PUDP: variants seen among roughly 807,000 people sequenced by gnomAD.
PUDP encodes pseudouridine-5'-phosphatase.
Under a neutral mutation model 9.4 loss-of-function variants are expected in PUDP, and 8 were observed. That is an observed-to-expected ratio of 0.85 (90% CI 0.50 to 1.53). PUDP has a LOEUF of 1.53. Among genes scored for constraint, PUDP ranks in the 40% most tolerant of loss-of-function variants. PUDP has a pLI of 0.00. For synonymous variants in PUDP, 99 were observed against 80.7 expected (o/e 1.23, Z -1.22); for missense variants, 188 against 189.7 (o/e 0.99, Z 0.05).
intron 3 of PUDP, among the ~76,000 whole-genome samples, chrX:7,060,708 T>G (rs1244575763): frequency 1.8e-5 from 2 of 112,757 alleles, no homozygotes; most frequent in Non-Finnish European, 3.8e-5. Flanking sequence ...CAAATGCAAT[T>G]CATTTGCCTT....
At position 6,878,676 on chromosome X, in the gene PUDP, A is replaced by G. The variant is rs185976609; in HGVS notation, c.*247+98457T>C. Among the ~76,000 whole-genome samples, 79 of 112,342 alleles carry G rather than the reference A, an allele frequency of 7.0e-4. 1 individual carries two copies. In the Admixed American group the frequency reaches 7.4e-3, roughly 10 times the overall value. ...CCTGGTCTTCATGACTTTTCTTGAT[A>G]GCATATGTTACAAAGTTTTCAGCTG... is the stretch of plus-strand genomic sequence containing the variant. On this transcript the variant is annotated intron_variant and NMD_transcript_variant, in intron 3 of 3. Transcript: ENST00000655425.
chrX:7,063,559 T>C (rs1245418026), intron 3 of PUDP, among the ~76,000 whole-genome samples: 2 of 111,989 alleles, frequency 1.8e-5, no homozygotes, highest in African/African-American at 6.5e-5. Context: ...CCGTGCTTCC[T>C]GTCTAGGGAG....
intron 3 of PUDP, among the ~76,000 whole-genome samples, chrX:6,870,314 A>C (rs1927155829): frequency 8.9e-6 from 1 of 112,049 alleles, no homozygotes; most frequent in Non-Finnish European, 1.9e-5. Flanking sequence ...CCCAAATCTC[A>C]TCTTGAATTT....
chrX:7,145,515 T>G (rs1425738211), intron 1 of PUDP, among the ~76,000 whole-genome samples: 2 of 111,592 alleles, frequency 1.8e-5, no homozygotes, highest in African/African-American at 6.5e-5. Flanking sequence ...TTTCTCTGAA[T>G]GGCATTTGAG....
chrX:7,051,026 T>C (rs1930086793), intron 3 of PUDP, among the ~76,000 whole-genome samples: 1 of 111,230 alleles, frequency 9.0e-6, no homozygotes, highest in Non-Finnish European at 1.9e-5. Context: ...ATCGCGAAAA[T>C]CCACTTTATT....
At chrX:7,073,922 C>T (rs2146861823) in intron 3 of PUDP, among the ~76,000 whole-genome samples, 1 of 112,829 alleles carries the variant, frequency 8.9e-6, no homozygotes, top group South Asian at 3.7e-4. Flanking sequence ...TCAATGAGAA[C>T]ACCAAGATGT....
chrX:7,012,280 T>A (rs747281315), intron 1 of PUDP, among the ~76,000 whole-genome samples: 1 of 112,405 alleles, frequency 8.9e-6, no homozygotes, highest in South Asian at 3.7e-4. Flanking sequence ...AAAAAAGCTT[T>A]GAGCTTTTGG....
chrX:6,788,968 A>T (rs183244352), intron 3 of PUDP, among the ~76,000 whole-genome samples: 47 of 111,802 alleles, frequency 4.2e-4, no homozygotes, highest in African/African-American at 1.3e-3. Context: ...AGCCATGCAG[A>T]TGCAGAGAAG....
Position 6,710,328 on chromosome X carries a change from T to C in PUDP, n.129-3862A>G, listed in dbSNP as rs191089692. Among the ~76,000 whole-genome samples the C allele has an allele frequency of 1.5e-4, 17 of 112,059 alleles. No homozygotes were observed. In the East Asian group the frequency reaches 4.8e-3, roughly 31 times the overall value. On this transcript the variant is annotated intron_variant and non_coding_transcript_variant, in intron 1 of 2. Coordinates refer to the PUDP transcript ENST00000438499. Reference sequence around the variant, plus strand: ...AACACCTCGAAACAGGGCAGTTGACTTTGACCCATGCATTAAACCACTGCT... The same window carrying C: ...AACACCTCGAAACAGGGCAGTTGACCTTGACCCATGCATTAAACCACTGCT...
At chrX:7,134,446 A>G (rs1404217101) in intron 1 of PUDP, among the ~76,000 whole-genome samples, 3 of 112,207 alleles carry the variant, frequency 2.7e-5, no homozygotes, top group Non-Finnish European at 5.6e-5. Flanking sequence ...ATAGCTCCCC[A>G]GGTTGTCCTG....
chrX:7,148,099 C>T lies in PUDP; in HGVS notation c.15G>A (p.Pro5=). The change falls in exon 1 of 4, where the codon CCG becomes CCA. Residue 5 remains proline, a synonymous_variant. Coordinates refer to ENST00000381077, the MANE Select transcript of PUDP (RefSeq NM_012080.5). The stretch of plus-strand genomic sequence containing the variant: ...CAAAGATGAGGTGGGTGACGGGCTG[C>T]GGGGGCGCCGCCATGGTGGCGCCTT... MAAP[P]QPVTHLIFDM... The T allele has an allele frequency of 8.9e-7, 1 of 1,122,045 alleles. No individual in the cohort carries two copies. Among genetic ancestry groups the T allele is most frequent in the Non-Finnish European group, 1.2e-6 (1 of 847,762 alleles). 92.5% of individuals were successfully genotyped at this position (1,122,045 alleles called of 1,213,427 possible). A position where few individuals can be genotyped will look rare whatever the true frequency, so the allele number is the denominator to read the frequency against.
intron 3 of PUDP, among the ~76,000 whole-genome samples, chrX:6,971,013 T>C (rs1476955191): frequency 9.1e-6 from 1 of 110,297 alleles, no homozygotes; most frequent in African/African-American, 3.3e-5. Flanking sequence ...GTCACACCAC[T>C]GCACTCCAGC....
At chrX:6,881,305 A>G (rs1371867659) in intron 3 of PUDP, among the ~76,000 whole-genome samples, 1 of 112,318 alleles carries the variant, frequency 8.9e-6, no homozygotes. Flanking sequence ...CAACCTAGGA[A>G]GAGCATCTTA....
chrX:6,714,156 T>A lies in PUDP; in HGVS notation n.128+7261A>T, dbSNP rs376253959. Among the ~76,000 whole-genome samples the A allele has an allele frequency of 4.1e-4, 46 of 111,905 alleles. No individual in the cohort carries two copies. In the East Asian group the frequency reaches 0.012, roughly 28 times the overall value. ...ATCATCTCATCTCAGCCTCCCAAAG[T>A]GCTGGGATTACAGGTGTGAGCCATC... On this transcript the variant is annotated intron_variant and non_coding_transcript_variant, in intron 1 of 2. Transcript: ENST00000438499.
chrX:6,932,555 G>A (rs1332116941), intron 3 of PUDP, among the ~76,000 whole-genome samples: 1 of 111,473 alleles, frequency 9.0e-6, no homozygotes, highest in East Asian at 2.9e-4. Context: ...GCAGAAGACG[G>A]TGATTTCTGC....
intron 3 of PUDP, among the ~76,000 whole-genome samples, chrX:6,901,777 T>C (rs779496186): frequency 7.1e-5 from 8 of 113,096 alleles, no homozygotes; most frequent in Middle Eastern, 4.6e-3. Context: ...ATGTGCAATA[T>C]ACAAATACTT....
intron 3 of PUDP, among the ~76,000 whole-genome samples, chrX:6,911,484 G>A (rs1387664856): frequency 9.0e-6 from 1 of 111,709 alleles, no homozygotes; most frequent in Non-Finnish European, 1.9e-5. Flanking sequence ...GTGAGCCACC[G>A]TGCCTGGCCT....
At chrX:7,025,000 T>G (rs1248487128) in intron 1 of PUDP, among the ~76,000 whole-genome samples, 1 of 110,667 alleles carries the variant, frequency 9.0e-6, no homozygotes. Flanking sequence ...ACTAGCAGAG[T>G]AGCACCTGAA....
chrX:6,793,567 G>A (rs987018590), intron 3 of PUDP, among the ~76,000 whole-genome samples: 13 of 112,133 alleles, frequency 1.2e-4, no homozygotes, highest in South Asian at 3.7e-4. Flanking sequence ...ATGACATGAT[G>A]CTTCTTTCAA....
Sources: gnomAD v4.1 joint callset for allele counts (sites outside exome capture counted in the v4.1 genomes callset) on GRCh38, gnomAD v4.1.1 for gene constraint, MANE v1.5 for transcripts, NCBI Gene and HGNC (gene_info 2026-07-23, HGNC 2026-07-21) for gene names.